The following TAFA1 variants were observed in gnomAD, a reference collection of about 807,000 sequenced individuals.
The protein encoded by TAFA1 is chemokine-like protein TAFA-1.
TAFA1 carries 4 observed loss-of-function variants against 18.5 expected under a neutral mutation model. The observed-to-expected ratio is 0.22, with a 90% CI of 0.11 to 0.49. The LOEUF is 0.49. TAFA1 is among the 20% of genes least tolerant of loss of function. TAFA1 has a pLI of 0.98. For synonymous variants in TAFA1, 56 were observed against 55.2 expected (o/e 1.01, Z -0.06); for missense variants, 147 against 169.0 (o/e 0.87, Z 0.72).
At chr3:68,384,285 T>C (rs1296397076) in intron 2 of TAFA1, among the ~76,000 whole-genome samples, 1 of 152,038 alleles carries the variant, frequency 6.6e-6, no homozygotes, top group African/African-American at 2.4e-5. Flanking sequence ...TAACTTGAGA[T>C]CTTTCTTTAT....
At chr3:68,170,632 T>A (rs1286135125) in intron 2 of TAFA1, among the ~76,000 whole-genome samples, 1 of 152,142 alleles carries the variant, frequency 6.6e-6, no homozygotes, top group Non-Finnish European at 1.5e-5. Flanking sequence ...CAAGCTTTAA[T>A]CTCTGACTGG....
At chr3:68,027,513 C>T (rs548994607) in intron 2 of TAFA1, among the ~76,000 whole-genome samples, 161 of 152,120 alleles carry the variant, frequency 1.1e-3, no homozygotes, top group African/African-American at 3.6e-3. Flanking sequence ...TGTGGAACCC[C>T]GATATTTATT....
At chr3:68,393,573 C>A (rs1386360598) in intron 2 of TAFA1, among the ~76,000 whole-genome samples, 1 of 151,966 alleles carries the variant, frequency 6.6e-6, no homozygotes, top group Non-Finnish European at 1.5e-5. Context: ...AAGAAAATTT[C>A]AGGGCAATAT....
intron 2 of TAFA1, among the ~76,000 whole-genome samples, chr3:68,323,032 G>A (rs1355777619): frequency 3.3e-5 from 5 of 152,152 alleles, no homozygotes; most frequent in Admixed American, 1.3e-4. Flanking sequence ...ACCAGTTGTG[G>A]TCAATAATCA....
At chr3:68,333,561 C>G (rs1041951124) in intron 2 of TAFA1, among the ~76,000 whole-genome samples, 1 of 152,108 alleles carries the variant, frequency 6.6e-6, no homozygotes, top group East Asian at 1.9e-4. Context: ...GTACACCAAA[C>G]CCCTGCGACA....
At chr3:68,031,536 A>G (rs1291055359) in intron 2 of TAFA1, among the ~76,000 whole-genome samples, 1 of 152,180 alleles carries the variant, frequency 6.6e-6, no homozygotes, top group Admixed American at 6.6e-5. Context: ...TCCAATCTAG[A>G]AGGACTGGGA....
chr3:68,093,648 C>T (rs1289574287), intron 2 of TAFA1, among the ~76,000 whole-genome samples: 11 of 152,016 alleles, frequency 7.2e-5, no homozygotes, highest in Non-Finnish European at 1.6e-4. Flanking sequence ...TGCTCCAGGT[C>T]AGAAGGTTGC....
chr3:68,470,495 CTT>C (rs2071977574), intron 3 of TAFA1, among the ~76,000 whole-genome samples: 1 of 152,152 alleles, frequency 6.6e-6, no homozygotes, highest in African/African-American at 2.4e-5. Flanking sequence ...TGTTGAATGT[CTT>C]TGCATAAAAT....
intron 3 of TAFA1, among the ~76,000 whole-genome samples, chr3:68,437,351 G>C (rs1246212842): frequency 5.9e-5 from 9 of 152,142 alleles, no homozygotes; most frequent in Non-Finnish European, 1.3e-4. Flanking sequence ...AGTTGTATTA[G>C]TCCATTTTCT....
At chr3:68,324,951 G>A (rs1018901066) in intron 2 of TAFA1, among the ~76,000 whole-genome samples, 4 of 152,150 alleles carry the variant, frequency 2.6e-5, no homozygotes, top group Admixed American at 6.5e-5. Flanking sequence ...CATTTTGCCA[G>A]TCTTCATCAC....
chr3:68,389,539 TTTAAAAAGTATCTATTGG>T (rs2070179181), intron 2 of TAFA1, among the ~76,000 whole-genome samples: 1 of 152,180 alleles, frequency 6.6e-6, no homozygotes, highest in South Asian at 2.1e-4. Flanking sequence ...ATTATATTCT[TTTAAAAAGTATCTATTGG>T]TTGATTCCCG....
At chr3:68,329,564 G>C (rs9815507) in intron 2 of TAFA1, among the ~76,000 whole-genome samples, 11,607 of 152,132 alleles carry the variant, frequency 0.076, 705 homozygotes, top group African/African-American at 0.17. Context: ...TTGACTATCA[G>C]ATCCTTTTTG....
intron 2 of TAFA1, among the ~76,000 whole-genome samples, chr3:68,325,577 G>T (rs2068763011): frequency 6.6e-6 from 1 of 152,022 alleles, no homozygotes; most frequent in African/African-American, 2.4e-5. Flanking sequence ...CTATGTTCTG[G>T]CTATGTTACA....
Position 68,538,761 on chromosome 3 carries a change from A to G in TAFA1, c.265A>G (p.Ile89Val), listed in dbSNP as rs1409228844. ...TGTTTCCTGTTTCTGCACAGCCTCC[A>G]TAGTGATTGGGAAATGGTGGTGTGA... ...RNRPSCVDASIVIGKWWCEME... is the reference protein window; with the variant it reads ...RNRPSCVDASVVIGKWWCEME... Residue 89 changes from isoleucine (I) to valine (V), a missense_variant, in exon 4 of 5, where the codon ATA (isoleucine) becomes GTA (valine). Transcript: ENST00000478136. 2.5e-6 allele frequency: 4 copies of G among 1,613,432 alleles called. No homozygotes were observed. The African/African-American group carries it at 5.3e-5, about 22-fold the overall frequency.
chr3:68,393,497 C>T (rs1022162917), intron 2 of TAFA1, among the ~76,000 whole-genome samples: 1 of 152,078 alleles, frequency 6.6e-6, no homozygotes, highest in African/African-American at 2.4e-5. Flanking sequence ...AGGCACTCCT[C>T]CCTAAGTTAT....
At chr3:68,246,589 C>CAAAAAAAAAA (rs63748968) in intron 2 of TAFA1, among the ~76,000 whole-genome samples, 861 of 55,314 alleles carry the variant, frequency 0.016, 189 homozygotes, top group Non-Finnish European at 0.018. Flanking sequence ...GACTCCGTCT[C>CAAAAAAAAAA]AAAAAAAAAA....
At chr3:68,391,105 G>C (rs1273155845) in intron 2 of TAFA1, among the ~76,000 whole-genome samples, 1 of 152,128 alleles carries the variant, frequency 6.6e-6, no homozygotes, top group Non-Finnish European at 1.5e-5. Flanking sequence ...AGGAAGCTAA[G>C]AACCTTGATA....
intron 2 of TAFA1, among the ~76,000 whole-genome samples, chr3:68,015,182 C>A (rs1463159074): frequency 2.0e-5 from 3 of 152,068 alleles, no homozygotes; most frequent in Non-Finnish European, 2.9e-5. Context: ...AATGGTATTA[C>A]TGGGGCTCTG....
At position 68,022,417 on chromosome 3, in the gene TAFA1, T is replaced by C. The variant is rs78783921; in HGVS notation, c.118+15673T>C. On this transcript the variant is annotated intron_variant, in intron 2 of 4. Coordinates refer to ENST00000478136, the MANE Select transcript of TAFA1 (RefSeq NM_213609.4). ...AGGACAGACATTCTTGTCTTTCTAC[T>C]ATGGCCCCTGGGTAACTCCAATAGT... 6.2e-3 allele frequency among the ~76,000 whole-genome samples: 947 copies of C among 152,298 alleles called. 40 individuals carry two copies. The East Asian group carries it at 0.13, about 20-fold the overall frequency.
Sources: allele counts gnomAD v4.1 joint callset (sites outside exome capture counted in the v4.1 genomes callset), GRCh38; gene constraint gnomAD v4.1.1; transcripts MANE v1.5; gene names NCBI Gene and HGNC (gene_info 2026-07-23, HGNC 2026-07-21).